GALNT14: variants seen among roughly 807,000 people sequenced by gnomAD.
GALNT14 encodes the protein UDP-GalNAc:polypeptide N-acetylgalactosaminyltransferase 14.
In GALNT14, 60 loss-of-function variants were observed where a neutral mutation model predicts 77.5. The ratio of observed to expected loss-of-function variants is 0.77; its 90% confidence interval spans 0.63 to 0.96. The LOEUF (loss-of-function observed/expected upper bound fraction) is 0.96, where lower values mean the gene tolerates loss of function less well. Ranked by LOEUF, GALNT14 falls within the 40% of genes least tolerant of loss-of-function variation. GALNT14 has a pLI of 0.00. For missense variants in GALNT14, 710 were observed against 731.0 expected (o/e 0.97, Z 0.33); for synonymous variants, 280 against 281.7 (o/e 0.99, Z 0.06).
intron 2 of GALNT14, among the ~76,000 whole-genome samples, chr2:30,985,211 T>C (rs1669223696): frequency 6.6e-6 from 1 of 152,198 alleles, no homozygotes; most frequent in Non-Finnish European, 1.5e-5. Context: ...AGGAATTCAC[T>C]AGGAAACAAG....
chr2:31,082,049 G>T (rs1281340753), intron 1 of GALNT14, among the ~76,000 whole-genome samples: 1 of 152,166 alleles, frequency 6.6e-6, no homozygotes, highest in South Asian at 2.1e-4. Context: ...GGGAGCAGAG[G>T]CTCCTACAAA....
chr2:31,117,051 TA>T (rs1040624940), intron 1 of GALNT14, among the ~76,000 whole-genome samples: 2 of 151,488 alleles, frequency 1.3e-5, no homozygotes, highest in Non-Finnish European at 2.9e-5. Context: ...AAAAAAAAAT[TA>T]AAAAAAAGAA....
chr2:30,917,954 G>T (rs1664783155), intron 13 of GALNT14, among the ~76,000 whole-genome samples: 1 of 152,196 alleles, frequency 6.6e-6, no homozygotes, highest in African/African-American at 2.4e-5. Flanking sequence ...CTGCCCTCGT[G>T]ATGCCTCTGG....
At chr2:31,096,640 G>A (rs913858843) in intron 1 of GALNT14, among the ~76,000 whole-genome samples, 7 of 152,172 alleles carry the variant, frequency 4.6e-5, no homozygotes, top group Non-Finnish European at 1.0e-4. Context: ...TTGTAGAAGT[G>A]TAACCTGACA....
At chr2:31,080,211 C>T (rs974709243) in intron 1 of GALNT14, among the ~76,000 whole-genome samples, 1 of 152,202 alleles carries the variant, frequency 6.6e-6, no homozygotes, top group African/African-American at 2.4e-5. Flanking sequence ...CACCTTAGGT[C>T]AGCAAGAAAA....
intron 1 of GALNT14, among the ~76,000 whole-genome samples, chr2:31,088,200 T>C (rs1406761139): frequency 6.6e-6 from 1 of 152,120 alleles, no homozygotes; most frequent in African/African-American, 2.4e-5. Flanking sequence ...TGAAGAGAGA[T>C]TGAAGGGTAA....
At chr2:31,039,571 T>A (rs958028733) in intron 1 of GALNT14, among the ~76,000 whole-genome samples, 2 of 152,224 alleles carry the variant, frequency 1.3e-5, no homozygotes, top group Non-Finnish European at 2.9e-5. Flanking sequence ...CTGTCCTTAC[T>A]GAGGGTCCAA....
intron 1 of GALNT14, among the ~76,000 whole-genome samples, chr2:31,026,607 T>A (rs1016359652): frequency 6.6e-6 from 1 of 152,202 alleles, no homozygotes; most frequent in African/African-American, 2.4e-5. Context: ...TTATCACTTA[T>A]AGGGAGGGGG....
At chr2:30,991,457 A>G (rs1378147174) in intron 2 of GALNT14, 2 of 152,026 alleles carry the variant, frequency 1.3e-5, no homozygotes, top group South Asian at 2.1e-4. Context: ...GAATTTAAAC[A>G]GGAATAATAC....
chr2:30,905,920 G>T (rs1285595500), downstream of GALNT14, among the ~76,000 whole-genome samples: 2 of 150,474 alleles, frequency 1.3e-5, no homozygotes, highest in East Asian at 1.9e-4. Flanking sequence ...CATTCTTAAA[G>T]AAAAGAATTT....
intron 1 of GALNT14, among the ~76,000 whole-genome samples, chr2:31,102,413 T>C (rs1236670952): frequency 1.3e-5 from 2 of 152,116 alleles, no homozygotes; most frequent in South Asian, 2.1e-4. Context: ...CAGCCATGCA[T>C]TGAGTATTTT....
intron 2 of GALNT14, among the ~76,000 whole-genome samples, chr2:30,984,993 T>C (rs1282974357): frequency 1.3e-5 from 2 of 152,156 alleles, no homozygotes; most frequent in African/African-American, 2.4e-5. Flanking sequence ...AATCCACATT[T>C]GAGCATCAGG....
chr2:30,944,873 G>A lies in GALNT14; in HGVS notation c.812C>T (p.Pro271Leu). Residue 271 changes from proline to leucine, a missense_variant, in exon 8 of 15, where the codon CCC becomes CTC. By Grantham distance (98) the Pro-to-Leu change is moderately conservative. Coordinates refer to ENST00000349752, the MANE Select transcript of GALNT14 (RefSeq NM_024572.4). ...TCCCACTTACCTGATGGGCTCCGTGGGGTCCAGGCGCCGAGCCTTCTGCTC... is the reference window on the plus strand; with the variant it reads ...TCCCACTTACCTGATGGGCTCCGTGAGGTCCAGGCGCCGAGCCTTCTGCTC... Reference protein sequence around the residue: ...SPEQKARRLDPTEPIRTPIIA... With the variant: ...SPEQKARRLDLTEPIRTPIIA... The A allele has an allele frequency of 5.0e-6, 8 of 1,608,768 alleles. No homozygotes were observed. Among genetic ancestry groups the A allele is most frequent in the Non-Finnish European group, 6.8e-6 (8 of 1,176,520 alleles).
At chr2:31,102,987 C>T (rs1055053293) in intron 1 of GALNT14, among the ~76,000 whole-genome samples, 1 of 152,076 alleles carries the variant, frequency 6.6e-6, no homozygotes, top group African/African-American at 2.4e-5. Flanking sequence ...CTTCACTCAT[C>T]CTTTTATTTT....
intron 1 of GALNT14, among the ~76,000 whole-genome samples, chr2:31,107,061 T>G (rs1677594890): frequency 6.6e-6 from 1 of 152,232 alleles, no homozygotes; most frequent in Non-Finnish European, 1.5e-5. Flanking sequence ...TGTGCTTTCC[T>G]GTATGTTATA....
chr2:31,093,894 G>A (rs1268531108), intron 1 of GALNT14, among the ~76,000 whole-genome samples: 1 of 152,196 alleles, frequency 6.6e-6, no homozygotes, highest in East Asian at 1.9e-4. Flanking sequence ...GACCTGAGAG[G>A]TCCTTCTCAA....
At chr2:30,996,902 A>G (rs1670071652) in intron 1 of GALNT14, among the ~76,000 whole-genome samples, 1 of 152,234 alleles carries the variant, frequency 6.6e-6, no homozygotes, top group Non-Finnish European at 1.5e-5. Context: ...GCTTTTCTAC[A>G]TCAATATCTG....
At chr2:31,009,971 C>T (rs1158396316) in intron 1 of GALNT14, among the ~76,000 whole-genome samples, 1 of 152,188 alleles carries the variant, frequency 6.6e-6, no homozygotes. Context: ...AATTCATTTT[C>T]CAAAGTCACC....
intron 2 of GALNT14, among the ~76,000 whole-genome samples, chr2:30,976,462 A>G (rs1217513253): frequency 6.6e-5 from 10 of 152,288 alleles, no homozygotes; most frequent in Middle Eastern, 6.8e-3. Flanking sequence ...GTTTGGTGGA[A>G]ACCCTGGGGG....
Sources: gnomAD v4.1 joint callset for allele counts (sites outside exome capture counted in the v4.1 genomes callset) on GRCh38, gnomAD v4.1.1 for gene constraint, MANE v1.5 for transcripts, NCBI Gene and HGNC (gene_info 2026-07-23, HGNC 2026-07-21) for gene names.